TNFSF11: variants seen among roughly 807,000 people sequenced by gnomAD.
TNFSF11 encodes the protein tumor necrosis factor ligand superfamily member 11.
In TNFSF11, 12 loss-of-function variants were observed where a neutral mutation model predicts 32.2. The ratio of observed to expected loss-of-function variants is 0.37; its 90% CI spans 0.24 to 0.60. The LOEUF is 0.60. TNFSF11 is among the 20% of genes least tolerant of loss of function. The pLI is 0.66. For missense variants in TNFSF11, 345 were observed against 398.0 expected (o/e 0.87, Z 1.13); for synonymous variants, 172 against 152.1 (o/e 1.13, Z -0.96).
At chr13:42,577,116 A>C (rs1389368328) in intron 1 of TNFSF11, among the ~76,000 whole-genome samples, 2 of 152,216 alleles carry the variant, frequency 1.3e-5, no homozygotes, top group African/African-American at 4.8e-5. Flanking sequence ...TTTGAATGAG[A>C]ACAAACTATC....
chr13:42,594,049 G>T (rs1488011743), intron 2 of TNFSF11, among the ~76,000 whole-genome samples: 2 of 152,158 alleles, frequency 1.3e-5, no homozygotes, highest in Non-Finnish European at 2.9e-5. Context: ...AATGTTCTCA[G>T]TTGGAGCTGA....
chr13:42,570,120 G>A (rs1182790540), upstream of TNFSF11, among the ~76,000 whole-genome samples: 2 of 152,076 alleles, frequency 1.3e-5, no homozygotes. Context: ...AATGTAAAAG[G>A]TTTGAAAATT....
chr13:42,582,746 C>T (rs980604864), intron 2 of TNFSF11, among the ~76,000 whole-genome samples: 4 of 152,202 alleles, frequency 2.6e-5, no homozygotes, highest in Admixed American at 6.5e-5. Flanking sequence ...TTTTGAGCAA[C>T]AGCAACAGCA....
intron 2 of TNFSF11, among the ~76,000 whole-genome samples, chr13:42,584,997 TAGA>T (rs1163165785): frequency 6.6e-5 from 10 of 152,230 alleles, no homozygotes; most frequent in African/African-American, 2.4e-4. Context: ...ACCTTATCAT[TAGA>T]ATCAATCAGT....
chr13:42,607,040 C>T lies in TNFSF11; in HGVS notation c.*122C>T. The T allele has an allele frequency of 8.0e-7, 1 of 1,243,638 alleles. No homozygotes were observed. Among genetic ancestry groups the T allele is most frequent in the Non-Finnish European group, 1.1e-6 (1 of 872,258 alleles). 77.0% of individuals were successfully genotyped at this position (1,243,638 alleles called of 1,614,324 possible). A position where few individuals can be genotyped will look rare whatever the true frequency, so the allele number is the denominator to read the frequency against. On this transcript the variant is annotated 3_prime_UTR_variant, in exon 5 of 5. Coordinates refer to ENST00000398795, the MANE Select transcript of TNFSF11 (RefSeq NM_003701.4). Reference sequence around the variant, plus strand: ...GAGGCATGGCCCCAACGGTACACGACTCAGTATCCATGCTCTTGACCTTGT... The same window carrying T: ...GAGGCATGGCCCCAACGGTACACGATTCAGTATCCATGCTCTTGACCTTGT...
chr13:42,606,410 T>G (rs992858558), intron 4 of TNFSF11, 87 bp from the exon 5 acceptor site: 4 of 1,522,948 alleles, frequency 2.6e-6, no homozygotes, highest in Non-Finnish European at 3.6e-6. Flanking sequence ...TGCTATACTA[T>G]TTTTTCTCCC....
chr13:42,605,499 G>C lies in TNFSF11; in HGVS notation c.533-998G>C, dbSNP rs74058822. 4.0e-3 allele frequency among the ~76,000 whole-genome samples: 602 copies of C among 152,246 alleles called. 7 individuals are homozygous for C. Among genetic ancestry groups the C allele is most frequent in the African/African-American group, 0.014 (576 of 41,546 alleles). On this transcript the variant is annotated intron_variant, in intron 4 of 4. Transcript: ENST00000398795. Reference sequence around the variant, plus strand: ...TTGATTAATTGGGTTTATCACAGAGGTATTGCCAATTTTTAATGACCCAGG... The same window carrying C: ...TTGATTAATTGGGTTTATCACAGAGCTATTGCCAATTTTTAATGACCCAGG...
chr13:42,578,513 C>A (rs574140328), intron 1 of TNFSF11, among the ~76,000 whole-genome samples: 2 of 152,298 alleles, frequency 1.3e-5, no homozygotes, highest in African/African-American at 4.8e-5. Flanking sequence ...AATGTGTGAT[C>A]CTTGAGTAAA....
intron 1 of TNFSF11, among the ~76,000 whole-genome samples, chr13:42,580,635 A>G (rs1873556067): frequency 2.0e-5 from 3 of 152,316 alleles, no homozygotes; most frequent in South Asian, 4.1e-4. Context: ...AAAAAAGGCC[A>G]GGCCAACATG....
chr13:42,564,149 G>C (rs1555307853), intron 1 of TNFSF11, among the ~76,000 whole-genome samples: 1 of 150,822 alleles, frequency 6.6e-6, no homozygotes, highest in African/African-American at 2.5e-5. Context: ...TTATTTTTTT[G>C]TTCTAGAATA....
Position 42,564,521 on chromosome 13 carries a change from C to T in TNFSF11, c.-302+1558C>T, listed in dbSNP as rs528289511. The stretch of plus-strand genomic sequence containing the variant: ...GGTGAAGGTTGCGGTGAGCCGAGAT[C>T]GCACCATTGCACTTCAGCCTGGGCA... On this transcript the variant is annotated intron_variant, in intron 1 of 6. Coordinates refer to the TNFSF11 transcript ENST00000358545. Among the ~76,000 whole-genome samples the T allele has an allele frequency of 7.9e-5, 12 of 151,526 alleles. No individual in the cohort carries two copies. In the Middle Eastern group the frequency reaches 9.6e-3, roughly 121 times the overall value.
intron 1 of TNFSF11, among the ~76,000 whole-genome samples, chr13:42,574,883 A>T (rs1566374203): frequency 6.6e-6 from 1 of 152,140 alleles, no homozygotes; most frequent in Non-Finnish European, 1.5e-5. Flanking sequence ...TTCTCACTTG[A>T]AGTTAAGAAT....
At position 42,606,765 on chromosome 13, in the gene TNFSF11, T is replaced by A. The variant is rs775640642; in HGVS notation, c.801T>A (p.Asn267Lys). Residue 267 changes from asparagine (N) to lysine (K), a missense_variant, in exon 5 of 5, where the codon AAT becomes AAA. Physicochemically the swap from Asn to Lys is moderately conservative, Grantham distance 94 (BLOSUM62 0). Transcript: ENST00000398795. ...KGGSTKYWSG[N>K]SEFHFYSINV... ...GAAGCACCAAGTATTGGTCAGGGAA[T>A]TCTGAATTCCATTTTTATTCCATAA... 4 of 1,613,938 alleles carry A rather than the reference T, an allele frequency of 2.5e-6. No homozygotes were observed. In the African/African-American group the frequency reaches 5.3e-5, roughly 22 times the overall value.
intron 1 of TNFSF11, among the ~76,000 whole-genome samples, chr13:42,577,589 G>A (rs1873385415): frequency 6.6e-6 from 1 of 152,124 alleles, no homozygotes; most frequent in Admixed American, 6.6e-5. Context: ...CATATTCAAA[G>A]CTTAGGGTTT....
At chr13:42,585,590 A>G (rs1279492361) in intron 2 of TNFSF11, among the ~76,000 whole-genome samples, 1 of 152,222 alleles carries the variant, frequency 6.6e-6, no homozygotes, top group Non-Finnish European at 1.5e-5. Flanking sequence ...ACACTAGTAC[A>G]AATATGGTGT....
At chr13:42,586,059 T>C (rs894189973) in intron 2 of TNFSF11, among the ~76,000 whole-genome samples, 1 of 152,242 alleles carries the variant, frequency 6.6e-6, no homozygotes, top group Non-Finnish European at 1.5e-5. Context: ...TTAAAAGCTG[T>C]GCTTTAGTAA....
chr13:42,573,434 T>C (rs1873141516), upstream of TNFSF11, among the ~76,000 whole-genome samples: 1 of 152,246 alleles, frequency 6.6e-6, no homozygotes, highest in Non-Finnish European at 1.5e-5. Context: ...AACATTTAAC[T>C]GTATCATCAG....
upstream of TNFSF11, among the ~76,000 whole-genome samples, chr13:42,570,666 T>A (rs1385323827): frequency 6.6e-6 from 1 of 152,194 alleles, no homozygotes; most frequent in Non-Finnish European, 1.5e-5. Context: ...ATAAGGCAGA[T>A]AAATAAGACA....
At chr13:42,602,612 G>A (rs1231950725) in intron 4 of TNFSF11, among the ~76,000 whole-genome samples, 1 of 152,182 alleles carries the variant, frequency 6.6e-6, no homozygotes, top group Non-Finnish European at 1.5e-5. Flanking sequence ...GTCTATGCAT[G>A]TCTTGTGGTG....
Sources: gnomAD v4.1 joint callset for allele counts (sites outside exome capture counted in the v4.1 genomes callset) on GRCh38, gnomAD v4.1.1 for gene constraint, MANE v1.5 for transcripts, NCBI Gene and HGNC (gene_info 2026-07-23, HGNC 2026-07-21) for gene names.